The following VPS35 variants were observed in gnomAD, a reference collection of about 807,000 sequenced individuals.
VPS35 encodes VPS35 retromer complex component, also known as vacuolar protein sorting-associated protein 35.
In VPS35, 21 loss-of-function variants were observed where a neutral mutation model predicts 98.1. The ratio of observed to expected loss-of-function variants is 0.21; its 90% CI spans 0.15 to 0.31. VPS35 has a LOEUF of 0.31. Among genes scored for constraint, VPS35 ranks in the 10% least tolerant of loss-of-function variants. The probability of loss-of-function intolerance (pLI) is 1.00; values close to 1 mark genes in which losing one functional copy is unlikely to be tolerated. For missense variants in VPS35, 554 were observed against 950.8 expected, an observed-to-expected ratio of 0.58 and a Z score of 5.49; for synonymous variants, 268 against 318.2, an observed-to-expected ratio of 0.84 and a Z score of 1.68.
At chr16:46,682,524 T>A (rs42907) in intron 2 of VPS35, 261,688 of 265,610 alleles carry the variant, frequency 0.99, 129,013 homozygotes, top group East Asian at 1. Context: ...AGGAAGATAC[T>A]ATCCTGACAT....
At chr16:46,666,670 CCTTT>C (rs1567263506) in intron 13 of VPS35, among the ~76,000 whole-genome samples, 2 of 152,146 alleles carry the variant, frequency 1.3e-5, no homozygotes, top group African/African-American at 2.4e-5. Context: ...ATAGTATTTG[CCTTT>C]CTGTGTTTGG....
rs1196046359 is a variant in VPS35 at position 46,656,694 on chromosome 16, A to T, written c.*3778T>A. On this transcript the variant is annotated 3_prime_UTR_variant, in exon 17 of 17. Transcript: ENST00000299138. Reference sequence around the variant, plus strand: ...GAAGACACTACTGATGCAAGCCTGAACACAGCAATGAGTGGTACAATATAC... The same window carrying T: ...GAAGACACTACTGATGCAAGCCTGATCACAGCAATGAGTGGTACAATATAC... 1 of 152,192 alleles carries T rather than the reference A, an allele frequency of 6.6e-6. No individual in the cohort carries two copies. The highest frequency in any genetic ancestry group is 1.5e-5 in the Non-Finnish European group (1 of 68,040). The allele number at this position is 152,192 out of a possible 1,614,324, so 9.4% of individuals were successfully genotyped here. A position where few individuals can be genotyped will look rare whatever the true frequency, so the allele number is the denominator to read the frequency against.
intron 1 of VPS35, 54 bp from the exon 2 acceptor site, chr16:46,683,660 G>A (rs1966267900): frequency 8.8e-6 from 13 of 1,471,676 alleles, no homozygotes; most frequent in Admixed American, 8.8e-5. Flanking sequence ...TAGCAAGTAC[G>A]TTATTTCTAT....
chr16:46,669,160 A>C, intron 12 of VPS35, 108 bp from the exon 13 acceptor site: 1 of 1,395,832 alleles, frequency 7.2e-7, no homozygotes, highest in Non-Finnish European at 1.0e-6. Context: ...AATATATACA[A>C]TGTACCATAC....
rs188296214 is a variant in VPS35, at chr16:46,657,985, A to G, written c.*2487T>C. 3 of 152,380 alleles carry G rather than the reference A, an allele frequency of 2.0e-5. No homozygotes were observed. The allele number at this position is 152,380 out of a possible 1,614,324, so 9.4% of individuals were successfully genotyped here. ...AAAAAAGGAGAACAGGGAATAGCAG[A>G]CACACAAAGCACAAAGCCAAATATT... On this transcript the variant is annotated 3_prime_UTR_variant, in exon 17 of 17. Transcript: ENST00000299138.
chr16:46,687,821 A>G (rs1356645792), intron 1 of VPS35, among the ~76,000 whole-genome samples: 2 of 152,152 alleles, frequency 1.3e-5, no homozygotes, highest in African/African-American at 4.8e-5. Flanking sequence ...AATTATAGAC[A>G]GTGACTGTGA....
chr16:46,669,147 G>T, intron 12 of VPS35, 95 bp from the exon 13 acceptor site: 1 of 1,478,686 alleles, frequency 6.8e-7, no homozygotes, highest in Non-Finnish European at 9.4e-7. Flanking sequence ...CTAACATTTT[G>T]TGAATATATA....
Position 46,660,532 on chromosome 16 carries a change from C to T in VPS35, c.2331G>A (p.Leu777=). The T allele has an allele frequency of 6.2e-7, 1 of 1,614,084 alleles. No homozygotes were observed. Among genetic ancestry groups the T allele is most frequent in the South Asian group, 1.1e-5 (1 of 91,086 alleles). ...NKHFHNTLEH[L]RLRRESPESE... ...ATTCTGGTGATTCCCGCCGCAAGCG[C>T]AAATGCTCCAGTGTGTTATGAAAAT... is the stretch of plus-strand genomic sequence containing the variant. The change falls in exon 17 of 17, where the codon TTG becomes TTA. Residue 777 remains leucine, a synonymous_variant. Transcript: ENST00000299138.
At chr16:46,688,327 A>T in intron 1 of VPS35, 1 of 987,074 alleles carries the variant, frequency 1.0e-6, no homozygotes, top group Non-Finnish European at 1.2e-6. Context: ...TGTGGGAACC[A>T]GACACAAAGA....
At chr16:46,684,926 C>T (rs982866862) in intron 1 of VPS35, among the ~76,000 whole-genome samples, 2 of 152,060 alleles carry the variant, frequency 1.3e-5, no homozygotes, top group African/African-American at 2.4e-5. Context: ...ATGAAAGAAG[C>T]TAGACATAAA....
At position 46,659,933 on chromosome 16, in the gene VPS35, T is replaced by C. The variant is rs1328116447; in HGVS notation, c.*539A>G. On this transcript the variant is annotated 3_prime_UTR_variant, in exon 17 of 17. Transcript: ENST00000299138. Reference sequence around the variant, plus strand: ...GTGCTTTAAAATTCTCAAACATGCATTAATATATTCTAGTTTTAGGGAAAA... The same window carrying C: ...GTGCTTTAAAATTCTCAAACATGCACTAATATATTCTAGTTTTAGGGAAAA... The C allele has an allele frequency of 6.5e-6, 1 of 152,716 alleles. No homozygotes were observed. The highest frequency in any genetic ancestry group is 1.9e-4 in the East Asian group (1 of 5,222). The allele number at this position is 152,716 out of a possible 1,614,324, so 9.5% of individuals were successfully genotyped here.
rs184746095 is a variant in VPS35, at chr16:46,666,511, G to A, written c.1647+2419C>T. Among the ~76,000 whole-genome samples the A allele has an allele frequency of 2.4e-4, 36 of 151,522 alleles. 1 individual carries two copies. The South Asian group carries it at 3.3e-3, about 14-fold the overall frequency. Reference sequence around the variant, plus strand: ...TCAAACTCCCGACCTCAGGTGAACCGCCTGCTTCGGCCTCCCAAAGTGCTG... The same window carrying A: ...TCAAACTCCCGACCTCAGGTGAACCACCTGCTTCGGCCTCCCAAAGTGCTG... On this transcript the variant is annotated intron_variant, in intron 13 of 16. Transcript: ENST00000299138.
At chr16:46,672,772 C>G (rs1261332717) in intron 10 of VPS35, among the ~76,000 whole-genome samples, 1 of 152,178 alleles carries the variant, frequency 6.6e-6, no homozygotes, top group Admixed American at 6.5e-5. Flanking sequence ...GATGACATTT[C>G]TAAGGGAAGT....
Position 46,681,498 on chromosome 16 carries a change from T to A in VPS35, c.202A>T (p.Met68Leu). The stretch of plus-strand genomic sequence containing the variant: ...TAGTGCAGTTCATCAGAAATGGCCA[T>A]ATCTTTTAATTATGATTAAGGACTA... ...LSPKSYYELY[M>L]AISDELHYLE... Residue 68 changes from methionine (M) to leucine (L), a missense_variant and splice_region_variant, in exon 4 of 17, where the codon ATG becomes TTG. This residue lies in a region of VPS35 where 67 missense variants were observed against 103.3 expected (regional missense o/e 0.65). Coordinates refer to ENST00000299138, the MANE Select transcript of VPS35 (RefSeq NM_018206.6). 2 of 1,612,374 alleles carry A rather than the reference T, an allele frequency of 1.2e-6. No individual in the cohort carries two copies. The highest frequency in any genetic ancestry group is 1.7e-6 in the Non-Finnish European group (2 of 1,179,460).
In VPS35 at chr16:46,658,353, G is replaced by A. The variant is rs879180711; in HGVS notation, c.*2119C>T. ...GCAGACTAACGTTCTTGAAGCTAGA[G>A]GCTATGATCTTCTTCACCTTTAGAT... On this transcript the variant is annotated 3_prime_UTR_variant, in exon 17 of 17. Coordinates refer to ENST00000299138, the MANE Select transcript of VPS35 (RefSeq NM_018206.6). 2 of 153,710 alleles carry A rather than the reference G, an allele frequency of 1.3e-5. No individual in the cohort carries two copies. Among genetic ancestry groups the A allele is most frequent in the South Asian group, 4.1e-4 (2 of 4,832 alleles). 9.5% of individuals were successfully genotyped at this position (153,710 alleles called of 1,614,324 possible). A position where few individuals can be genotyped will look rare whatever the true frequency, so the allele number is the denominator to read the frequency against.
At position 46,674,662 on chromosome 16, in the gene VPS35, TAAA is replaced by T. The variant is rs569369937; in HGVS notation, c.915-5_915-3del. 5.4e-5 allele frequency: 75 copies of T among 1,387,492 alleles called. No homozygotes were observed. The highest frequency in any genetic ancestry group is 2.0e-4 in the Middle Eastern group (1 of 5,054). The allele number at this position is 1,387,492 out of a possible 1,614,324, so 85.9% of individuals were successfully genotyped here. On this transcript the variant is annotated splice_polypyrimidine_tract_variant and splice_region_variant and intron_variant, in intron 8 of 16. Transcript: ENST00000299138. The stretch of plus-strand genomic sequence containing the variant: ...TCACGGTGAGCAAATAAAGCTAATC[TAAA>T]AAAAAAAAAAACACCCCTTTATTTT...
intron 14 of VPS35, 47 bp downstream of exon 14, chr16:46,662,936 G>A (rs1156824661): frequency 6.2e-7 from 1 of 1,610,976 alleles, no homozygotes; most frequent in Admixed American, 1.7e-5. Context: ...ACAAGCAACT[G>A]AACCCAGCAG....
intron 13 of VPS35, among the ~76,000 whole-genome samples, chr16:46,666,775 A>C (rs1360908716): frequency 2.0e-5 from 3 of 152,228 alleles, no homozygotes; most frequent in Non-Finnish European, 2.9e-5. Flanking sequence ...GTATTATTCT[A>C]CTATGTAGAG....
chr16:46,660,645 T>C lies in VPS35; in HGVS notation c.2218A>G (p.Ile740Val), dbSNP rs1965898151. 6.2e-7 allele frequency: 1 copy of C among 1,613,418 alleles called. No homozygotes were observed. Among genetic ancestry groups the C allele is most frequent in the Non-Finnish European group, 8.5e-7 (1 of 1,179,892 alleles). ...FYEKENDAVT[I>V]QVLNQLIQKI... is the part of the protein sequence containing the mutation. Reference sequence around the variant, plus strand: ...TGGATAAGCTGGTTTAAAACCTGAATTGTTACCTACAAAAGAATATGTACA... The same window carrying C: ...TGGATAAGCTGGTTTAAAACCTGAACTGTTACCTACAAAAGAATATGTACA... The change falls in exon 17 of 17, where the codon ATT (isoleucine) becomes GTT (valine). Residue 740 changes from isoleucine (I) to valine (V), a missense_variant. Transcript: ENST00000299138.
Sources: allele counts gnomAD v4.1 joint callset (sites outside exome capture counted in the v4.1 genomes callset), GRCh38; gene constraint gnomAD v4.1.1; regional missense constraint gnomAD v4.1.1; transcripts MANE v1.5; gene names NCBI Gene and HGNC (gene_info 2026-07-23, HGNC 2026-07-21).